CDIN1: variants seen among roughly 807,000 people sequenced by gnomAD.
CDIN1 encodes CDAN1 interacting nuclease 1.
Under a neutral mutation model 45.3 loss-of-function variants are expected in CDIN1, and 33 were observed. That is an observed-to-expected ratio of 0.73 (90% confidence interval 0.55 to 0.97). The LOEUF (loss-of-function observed/expected upper bound fraction) is 0.97, where lower values mean the gene tolerates loss of function less well. Ranked by LOEUF, CDIN1 falls within the 50% of genes least tolerant of loss-of-function variation. CDIN1 has a pLI of 0.00. For missense variants in CDIN1, 303 were observed against 339.4 expected, an observed-to-expected ratio of 0.89 and a Z score of 0.84; for synonymous variants, 118 against 124.4, an observed-to-expected ratio of 0.95 and a Z score of 0.34.
At chr15:36,723,845 A>G (rs2043524845) in intron 10 of CDIN1, among the ~76,000 whole-genome samples, 1 of 152,372 alleles carries the variant, frequency 6.6e-6, no homozygotes, top group South Asian at 2.1e-4. Flanking sequence ...ATAGCATATT[A>G]TATATTTCAG....
chr15:36,604,270 C>G (rs1595731164), intron 1 of CDIN1, among the ~76,000 whole-genome samples: 1 of 90,452 alleles, frequency 1.1e-5, no homozygotes, highest in Middle Eastern at 7.9e-3. Context: ...TGAAAGCCAC[C>G]TGGCTTTTTT....
At chr15:36,597,974 T>A (rs181006252) in intron 1 of CDIN1, among the ~76,000 whole-genome samples, 1 of 152,288 alleles carries the variant, frequency 6.6e-6, no homozygotes, top group Non-Finnish European at 1.5e-5. Context: ...TTATCACTCA[T>A]AAATGGACGT....
intron 5 of CDIN1, chr15:36,691,240 A>G (rs1409564142): frequency 1.9e-6 from 1 of 515,638 alleles, no homozygotes; most frequent in Non-Finnish European, 3.9e-6. Context: ...TAATTAAAGC[A>G]TATGTATATG....
chr15:36,774,165 C>T (rs57365196), intron 10 of CDIN1, among the ~76,000 whole-genome samples: 19,973 of 125,176 alleles, frequency 0.16, 2,231 homozygotes, highest in African/African-American at 0.39. Context: ...TGTGTGTGTG[C>T]GCGCGCGCGC....
chr15:36,640,450 C>T (rs147604041), intron 1 of CDIN1, among the ~76,000 whole-genome samples: 78 of 152,200 alleles, frequency 5.1e-4, no homozygotes, highest in African/African-American at 1.8e-3. Flanking sequence ...CTTTATCTTT[C>T]TTTAATTGGT....
At chr15:36,788,763 G>T (rs1370107863) in intron 10 of CDIN1, among the ~76,000 whole-genome samples, 2 of 152,072 alleles carry the variant, frequency 1.3e-5, no homozygotes, top group Admixed American at 1.3e-4. Context: ...GATGCAAATT[G>T]TAAGGACTCA....
intron 10 of CDIN1, among the ~76,000 whole-genome samples, chr15:36,793,814 T>C (rs562036078): frequency 7.0e-4 from 106 of 152,302 alleles, no homozygotes; most frequent in African/African-American, 2.2e-3. Flanking sequence ...TAAAACCCCA[T>C]TGTGTGATCC....
At chr15:36,591,145 G>C (rs1260901965) in intron 1 of CDIN1, among the ~76,000 whole-genome samples, 1 of 152,150 alleles carries the variant, frequency 6.6e-6, no homozygotes, top group African/African-American at 2.4e-5. Context: ...GCTCTTGTAA[G>C]TGGCTTCTCT....
At chr15:36,699,521 ATC>A (rs564307306) in intron 8 of CDIN1, among the ~76,000 whole-genome samples, 15 of 150,996 alleles carry the variant, frequency 9.9e-5, no homozygotes, top group African/African-American at 2.4e-4. Flanking sequence ...CTGAAGTAAA[ATC>A]TCTCTCTCTC....
chr15:36,805,849 A>T (rs74821433), intron 10 of CDIN1, among the ~76,000 whole-genome samples: 6,953 of 152,246 alleles, frequency 0.046, 563 homozygotes, highest in African/African-American at 0.16. Context: ...AAATTTCCAA[A>T]CTTGTCACCC....
intron 8 of CDIN1, among the ~76,000 whole-genome samples, chr15:36,700,958 T>C (rs2140774129): frequency 6.6e-6 from 1 of 152,124 alleles, no homozygotes; most frequent in South Asian, 2.1e-4. Context: ...TAGTACCAGC[T>C]ACTTGGGAGG....
chr15:36,745,705 C>T (rs2044397281), intron 10 of CDIN1, among the ~76,000 whole-genome samples: 2 of 152,068 alleles, frequency 1.3e-5, no homozygotes, highest in South Asian at 4.2e-4. Context: ...GTGGCTCATG[C>T]CTGTAATCTC....
intron 5 of CDIN1, among the ~76,000 whole-genome samples, chr15:36,676,282 C>T (rs1349495657): frequency 6.6e-6 from 1 of 152,130 alleles, no homozygotes; most frequent in African/African-American, 2.4e-5. Flanking sequence ...ATTCGGGAGC[C>T]TGCCGAAAAA....
intron 10 of CDIN1, among the ~76,000 whole-genome samples, chr15:36,720,735 C>T (rs1474562101): frequency 1.3e-5 from 2 of 152,142 alleles, no homozygotes; most frequent in Non-Finnish European, 2.9e-5. Flanking sequence ...CCGCAATAAA[C>T]ATACGTGTGC....
At position 36,770,355 on chromosome 15, in the gene CDIN1, G is replaced by A. The variant is rs552759571; in HGVS notation, c.717-37969G>A. 2.4e-4 allele frequency among the ~76,000 whole-genome samples: 36 copies of A among 151,870 alleles called. 1 individual carries two copies. In the South Asian group the frequency reaches 7.3e-3, roughly 31 times the overall value. On this transcript the variant is annotated intron_variant, in intron 10 of 10. Coordinates refer to ENST00000566621, the MANE Select transcript of CDIN1 (RefSeq NM_001321759.2). ...GAAAGGGAGAATACAAAGGAAGGAG[G>A]GAGGGAGAGAGAGAAAAGGAGAGGG...
At chr15:36,596,305 C>T in intron 1 of CDIN1, among the ~76,000 whole-genome samples, 1 of 151,794 alleles carries the variant, frequency 6.6e-6, no homozygotes. Context: ...ACCTACTGCT[C>T]TGAAAGGAAA....
intron 1 of CDIN1, among the ~76,000 whole-genome samples, chr15:36,581,897 C>A (rs182115832): frequency 1.1e-3 from 170 of 152,328 alleles, no homozygotes; most frequent in African/African-American, 3.8e-3. Context: ...TTGTTATCAT[C>A]GTGCATTATT....
Position 36,740,929 on chromosome 15 carries a change from AT to A in CDIN1, c.716+30978del, listed in dbSNP as rs570364659. On this transcript the variant is annotated intron_variant, in intron 10 of 10. Coordinates refer to ENST00000566621, the MANE Select transcript of CDIN1 (RefSeq NM_001321759.2). ...ATTATGTTTGCTCTCCTGCATTTCA[AT>A]TTTTTTTTTATTTTTATTTATTTTG... 1.4e-3 allele frequency among the ~76,000 whole-genome samples: 215 copies of A among 150,030 alleles called. 1 individual carries two copies. Among genetic ancestry groups the A allele is most frequent in the African/African-American group, 5.0e-3 (204 of 40,974 alleles).
chr15:36,712,260 CTT>C (rs780494427), intron 10 of CDIN1, among the ~76,000 whole-genome samples: 458 of 77,312 alleles, frequency 5.9e-3, no homozygotes, highest in African/African-American at 0.023. Context: ...TAGACTAATG[CTT>C]TTTTTTTTTT....
Sources: gnomAD v4.1 joint callset for allele counts (sites outside exome capture counted in the v4.1 genomes callset) on GRCh38, gnomAD v4.1.1 for gene constraint, MANE v1.5 for transcripts, NCBI Gene and HGNC (gene_info 2026-07-23, HGNC 2026-07-21) for gene names.